NPAS2: variants seen among roughly 807,000 people sequenced by gnomAD.
NPAS2 encodes the protein neuronal PAS domain protein 2.
A neutral mutation model predicts 107.5 loss-of-function variants in NPAS2; 23 were observed. The ratio of observed to expected loss-of-function variants is 0.21; its 90% CI spans 0.15 to 0.30. NPAS2 has a LOEUF of 0.30. NPAS2 is among the 10% of genes least tolerant of loss of function. The pLI, the probability that NPAS2 is intolerant of heterozygous loss-of-function variation, is 1.00. For synonymous variants in NPAS2, 403 were observed against 417.5 expected (o/e 0.97, Z 0.42); for missense variants, 756 against 1,043.3 (o/e 0.72, Z 3.79).
At chr2:100,832,712 A>G (rs1676817830) in intron 1 of NPAS2, among the ~76,000 whole-genome samples, 1 of 100,860 alleles carries the variant, frequency 9.9e-6, no homozygotes, top group African/African-American at 4.8e-5. Flanking sequence ...ATGACCCAGG[A>G]AACAATGGGG....
intron 1 of NPAS2, among the ~76,000 whole-genome samples, chr2:100,903,279 A>G (rs1281382459): frequency 6.6e-6 from 1 of 152,200 alleles, no homozygotes; most frequent in Non-Finnish European, 1.5e-5. Flanking sequence ...TAAAACTTTG[A>G]ACAGATTCCA....
chr2:100,848,111 C>T (rs1168759204), intron 1 of NPAS2, among the ~76,000 whole-genome samples: 2 of 152,122 alleles, frequency 1.3e-5, no homozygotes, highest in Non-Finnish European at 2.9e-5. Flanking sequence ...AGCAGAGGCC[C>T]AGGGAAGGAG....
At chr2:100,855,966 C>A (rs377093861) in intron 1 of NPAS2, among the ~76,000 whole-genome samples, 1 of 152,184 alleles carries the variant, frequency 6.6e-6, no homozygotes, top group Admixed American at 6.5e-5. Flanking sequence ...CCCAAGGACT[C>A]CTCTGAGAAA....
chr2:100,909,328 A>G (rs973303934), intron 2 of NPAS2, among the ~76,000 whole-genome samples: 15 of 152,260 alleles, frequency 9.9e-5, no homozygotes, highest in African/African-American at 3.4e-4. Context: ...TTTTAGGCCA[A>G]GACAGGATGG....
rs77793912 is a variant in NPAS2 at position 100,939,230 on chromosome 2, C to T, written c.363+1388C>T. 7.4e-4 allele frequency among the ~76,000 whole-genome samples: 113 copies of T among 152,324 alleles called. 2 individuals carry two copies. In the East Asian group the frequency reaches 0.02, roughly 28 times the overall value. ...CGCTGCCTACATTTTTCTTTGCATT[C>T]GCTGAGCGGTGGCCCACAAAAGCAT... On this transcript the variant is annotated intron_variant, in intron 5 of 20. Coordinates refer to ENST00000335681, the MANE Select transcript of NPAS2 (RefSeq NM_002518.4).
intron 1 of NPAS2, among the ~76,000 whole-genome samples, chr2:100,902,602 C>G (rs1681858049): frequency 6.6e-6 from 1 of 152,162 alleles, no homozygotes; most frequent in African/African-American, 2.4e-5. Flanking sequence ...TTATGCTTTG[C>G]AAGGGCAAAG....
At chr2:100,837,607 C>G (rs1489354159) in intron 1 of NPAS2, among the ~76,000 whole-genome samples, 5 of 152,204 alleles carry the variant, frequency 3.3e-5, no homozygotes, top group African/African-American at 1.2e-4. Flanking sequence ...GCCACCGCAC[C>G]TGGCCTGGAT....
At chr2:100,955,487 A>G (rs1174581074) in intron 7 of NPAS2, among the ~76,000 whole-genome samples, 1 of 152,150 alleles carries the variant, frequency 6.6e-6, no homozygotes, top group African/African-American at 2.4e-5. Context: ...AGGCTTAGAG[A>G]GCTTCCCTAG....
intron 19 of NPAS2, among the ~76,000 whole-genome samples, chr2:100,992,413 A>G (rs1284390105): frequency 2.0e-5 from 3 of 152,164 alleles, no homozygotes; most frequent in African/African-American, 7.2e-5. Context: ...CCCCACCAAA[A>G]TCTCTTGTTG....
intron 7 of NPAS2, among the ~76,000 whole-genome samples, chr2:100,955,840 C>G (rs1675534767): frequency 6.6e-6 from 1 of 152,140 alleles, no homozygotes; most frequent in African/African-American, 2.4e-5. Flanking sequence ...TGTCCCTACT[C>G]AGGACTCCCC....
At chr2:100,901,885 C>G (rs1681805834) in intron 1 of NPAS2, among the ~76,000 whole-genome samples, 1 of 152,088 alleles carries the variant, frequency 6.6e-6, no homozygotes, top group African/African-American at 2.4e-5. Context: ...GACCCTGATT[C>G]ACACACCTCG....
At chr2:100,994,145 C>G (rs60966863) in intron 20 of NPAS2, 1 of 152,352 alleles carries the variant, frequency 6.6e-6, no homozygotes, top group Non-Finnish European at 1.5e-5. Context: ...AGGGCCTGGC[C>G]TTCCCTCACC....
chr2:100,953,413 T>C (rs1021763798), intron 7 of NPAS2, among the ~76,000 whole-genome samples: 6 of 150,346 alleles, frequency 4.0e-5, no homozygotes, highest in Non-Finnish European at 7.4e-5. Context: ...CCTATAAAAT[T>C]GCCAACATTT....
chr2:100,842,474 C>T (rs537481933), intron 1 of NPAS2, among the ~76,000 whole-genome samples: 218 of 152,192 alleles, frequency 1.4e-3, no homozygotes, highest in African/African-American at 5.0e-3. Flanking sequence ...GTCTGGGTGT[C>T]GGGGCTGCTG....
chr2:100,892,367 A>G (rs956393331), intron 1 of NPAS2, among the ~76,000 whole-genome samples: 1 of 152,168 alleles, frequency 6.6e-6, no homozygotes, highest in African/African-American at 2.4e-5. Flanking sequence ...TCTTGGAAAA[A>G]GGAAATCATG....
intron 1 of NPAS2, among the ~76,000 whole-genome samples, chr2:100,889,944 G>A (rs768029471): frequency 4.6e-5 from 7 of 151,698 alleles, no homozygotes; most frequent in East Asian, 3.9e-4. Flanking sequence ...GATTGAGAGC[G>A]TGGGGTGGGC....
At chr2:100,836,292 A>G (rs927242235) in intron 1 of NPAS2, among the ~76,000 whole-genome samples, 4 of 152,192 alleles carry the variant, frequency 2.6e-5, no homozygotes, top group Non-Finnish European at 4.4e-5. Context: ...CCCCCATCCC[A>G]GAGAGGTGGG....
intron 1 of NPAS2, among the ~76,000 whole-genome samples, chr2:100,890,688 G>C (rs1680995071): frequency 6.6e-6 from 1 of 152,148 alleles, no homozygotes; most frequent in Non-Finnish European, 1.5e-5. Flanking sequence ...AGTGGAAGGA[G>C]TGGAGGAGGA....
chr2:100,831,326 T>C (rs1676722653), intron 1 of NPAS2, among the ~76,000 whole-genome samples: 1 of 152,036 alleles, frequency 6.6e-6, no homozygotes, highest in Non-Finnish European at 1.5e-5. Context: ...TAAAAATAAA[T>C]TGTGTGTTTG....
Sources: allele counts gnomAD v4.1 joint callset (sites outside exome capture counted in the v4.1 genomes callset), GRCh38; gene constraint gnomAD v4.1.1; transcripts MANE v1.5; gene names NCBI Gene and HGNC (gene_info 2026-07-23, HGNC 2026-07-21).